The following PDLIM1 variants were observed in gnomAD, a reference collection of about 807,000 sequenced individuals.
The protein encoded by PDLIM1 is PDZ and LIM domain 1, also known as PDZ and LIM domain protein 1.
Under a neutral mutation model 35.2 loss-of-function variants are expected in PDLIM1, and 25 were observed. The ratio of observed to expected loss-of-function variants is 0.71; its 90% confidence interval spans 0.52 to 0.99. The LOEUF (loss-of-function observed/expected upper bound fraction) is 0.99, where lower values mean the gene tolerates loss of function less well. Ranked by LOEUF, PDLIM1 falls within the 50% of genes least tolerant of loss-of-function variation. The pLI is 0.00. For synonymous variants in PDLIM1, 152 were observed against 154.0 expected, an observed-to-expected ratio of 0.99 and a Z score of 0.10; for missense variants, 363 against 415.3, an observed-to-expected ratio of 0.87 and a Z score of 1.09.
intron 4 of PDLIM1, among the ~76,000 whole-genome samples, chr10:95,254,602 G>A (rs1208532998): frequency 3.3e-5 from 5 of 152,150 alleles, no homozygotes; most frequent in Non-Finnish European, 7.3e-5. Context: ...CAGATAATCA[G>A]AGAGGATACA....
chr10:95,249,409 T>C (rs1379905316), intron 4 of PDLIM1, among the ~76,000 whole-genome samples: 1 of 152,190 alleles, frequency 6.6e-6, no homozygotes, highest in Non-Finnish European at 1.5e-5. Flanking sequence ...TGCAGATGGA[T>C]AGATTTGTAT....
At chr10:95,275,126 T>G (rs1445940790) in intron 1 of PDLIM1, among the ~76,000 whole-genome samples, 1 of 152,200 alleles carries the variant, frequency 6.6e-6, no homozygotes, top group African/African-American at 2.4e-5. Flanking sequence ...TTCAGGCTTT[T>G]GCATTTCTGA....
chr10:95,237,924 C>G lies in PDLIM1; in HGVS notation c.*1G>C. 1 of 1,613,292 alleles carries G rather than the reference C, an allele frequency of 6.2e-7. No homozygotes were observed. The highest frequency in any genetic ancestry group is 1.7e-4 in the Middle Eastern group (1 of 6,060). Reference sequence around the variant, plus strand: ...GGAGAACAGTGGTCAGATCTGCTGGCTCACTTGGGGAACACAGTGACCACT... The same window carrying G: ...GGAGAACAGTGGTCAGATCTGCTGGGTCACTTGGGGAACACAGTGACCACT... On this transcript the variant is annotated 3_prime_UTR_variant, in exon 7 of 7. Coordinates refer to ENST00000329399, the MANE Select transcript of PDLIM1 (RefSeq NM_020992.4).
intron 5 of PDLIM1, among the ~76,000 whole-genome samples, chr10:95,243,194 G>T (rs1476990164): frequency 2.6e-5 from 4 of 152,162 alleles, no homozygotes; most frequent in Admixed American, 2.6e-4. Flanking sequence ...ACTCACTGTG[G>T]CCTGTTCAGC....
At chr10:95,258,665 A>C (rs1039659860) in intron 4 of PDLIM1, among the ~76,000 whole-genome samples, 1 of 152,202 alleles carries the variant, frequency 6.6e-6, no homozygotes, top group Non-Finnish European at 1.5e-5. Context: ...GGGGCTTGAG[A>C]GATGGGGACT....
intron 1 of PDLIM1, among the ~76,000 whole-genome samples, chr10:95,286,286 G>T (rs2133444201): frequency 6.6e-6 from 1 of 152,154 alleles, no homozygotes; most frequent in South Asian, 2.1e-4. Context: ...GAACCCAGGG[G>T]GTGGAGGTTG....
chr10:95,258,458 C>T lies in PDLIM1; in HGVS notation c.533+5406G>A, dbSNP rs113020379. Among the ~76,000 whole-genome samples the T allele has an allele frequency of 6.3e-3, 953 of 151,844 alleles. 12 individuals carry two copies. Among genetic ancestry groups the T allele is most frequent in the African/African-American group, 0.022 (892 of 41,388 alleles). Reference sequence around the variant, plus strand: ...CAGAGTTTGTAGTAAGCCAAGATCGCGCCACTGCACTCCAGCCTGGGGGAC... The same window carrying T: ...CAGAGTTTGTAGTAAGCCAAGATCGTGCCACTGCACTCCAGCCTGGGGGAC... On this transcript the variant is annotated intron_variant, in intron 4 of 6. Transcript: ENST00000329399.
rs45533831 is a variant in PDLIM1, at chr10:95,268,603, T to C, written c.333+175A>G. 0.06 allele frequency among the ~76,000 whole-genome samples: 9,168 copies of C among 152,262 alleles called. 400 individuals are homozygous for C. The highest frequency in any genetic ancestry group is 0.19 in the South Asian group (910 of 4,824). On this transcript the variant is annotated intron_variant, in intron 3 of 6. Transcript: ENST00000329399. The stretch of plus-strand genomic sequence containing the variant: ...ACTGCCCTGGGGTTTTCCAGCCCTA[T>C]CCTCCTGCAGTTCCCTTACGGGAAG...
At chr10:95,274,707 A>G (rs2035496948) in intron 1 of PDLIM1, among the ~76,000 whole-genome samples, 2 of 152,206 alleles carry the variant, frequency 1.3e-5, no homozygotes, top group Admixed American at 1.3e-4. Context: ...ACTCAGCAGT[A>G]AGGTGCATGA....
chr10:95,286,592 G>A (rs1264372498), intron 1 of PDLIM1, among the ~76,000 whole-genome samples: 1 of 152,164 alleles, frequency 6.6e-6, no homozygotes. Flanking sequence ...AGTCCTGGAA[G>A]CTTCCCCCAG....
intron 3 of PDLIM1, among the ~76,000 whole-genome samples, chr10:95,267,335 G>A (rs1257996042): frequency 6.6e-6 from 1 of 152,114 alleles, no homozygotes; most frequent in Non-Finnish European, 1.5e-5. Flanking sequence ...TTCCTTGTGT[G>A]TTATAAAATA....
chr10:95,249,193 T>C (rs45601238), intron 4 of PDLIM1, among the ~76,000 whole-genome samples: 12,583 of 152,236 alleles, frequency 0.083, 672 homozygotes, highest in Middle Eastern at 0.16. Flanking sequence ...CAGGGCCTCC[T>C]TCCTCCTTGC....
chr10:95,280,813 C>T (rs533882415), intron 1 of PDLIM1, among the ~76,000 whole-genome samples: 1 of 152,280 alleles, frequency 6.6e-6, no homozygotes, highest in East Asian at 1.9e-4. Context: ...TTGGAGTTGG[C>T]TCTAAACCTC....
intron 4 of PDLIM1, among the ~76,000 whole-genome samples, chr10:95,262,968 C>A (rs889760592): frequency 5.3e-5 from 8 of 151,870 alleles, no homozygotes; most frequent in South Asian, 2.1e-4. Context: ...CACAGTGAGA[C>A]CCCAATCTCT....
intron 2 of PDLIM1, among the ~76,000 whole-genome samples, chr10:95,269,614 ATAAAC>A (rs2035445620): frequency 6.7e-6 from 1 of 149,606 alleles, no homozygotes; most frequent in African/African-American, 2.4e-5. Context: ...TTTTGCTCTT[ATAAAC>A]TATTTTCTTT....
intron 4 of PDLIM1, among the ~76,000 whole-genome samples, chr10:95,257,818 G>A (rs895260686): frequency 4.6e-5 from 7 of 152,238 alleles, no homozygotes; most frequent in Non-Finnish European, 7.4e-5. Flanking sequence ...AAATGAAGAA[G>A]GATCTCAAAG....
At chr10:95,289,421 G>A (rs1345288650) in intron 1 of PDLIM1, among the ~76,000 whole-genome samples, 1 of 152,208 alleles carries the variant, frequency 6.6e-6, no homozygotes, top group African/African-American at 2.4e-5. Context: ...AGAATAATCA[G>A]AGGTCTCTGT....
intron 3 of PDLIM1, among the ~76,000 whole-genome samples, chr10:95,265,877 G>A (rs1033267678): frequency 6.6e-6 from 1 of 152,108 alleles, no homozygotes; most frequent in African/African-American, 2.4e-5. Context: ...CATCAGCCTG[G>A]GTGACAGAGC....
At chr10:95,241,679 A>T (rs1166758828) in intron 5 of PDLIM1, among the ~76,000 whole-genome samples, 2 of 152,216 alleles carry the variant, frequency 1.3e-5, no homozygotes, top group Non-Finnish European at 2.9e-5. Flanking sequence ...CAACGTGAGC[A>T]GATGTGAGCC....
Sources: allele counts gnomAD v4.1 joint callset (sites outside exome capture counted in the v4.1 genomes callset), GRCh38; gene constraint gnomAD v4.1.1; transcripts MANE v1.5; gene names NCBI Gene and HGNC (gene_info 2026-07-23, HGNC 2026-07-21).